The following KCNIP1 variants were observed in gnomAD, a reference collection of about 807,000 sequenced individuals.
The protein encoded by KCNIP1 is A-type potassium channel modulatory protein KCNIP1.
In KCNIP1, 18 loss-of-function variants were observed where a neutral mutation model predicts 33.0. The ratio of observed to expected loss-of-function variants is 0.55; its 90% CI spans 0.38 to 0.81. The LOEUF (loss-of-function observed/expected upper bound fraction) is 0.81, where lower values mean the gene tolerates loss of function less well. KCNIP1 is among the 30% of genes least tolerant of loss of function. KCNIP1 has a pLI of 0.00. For missense variants in KCNIP1, 238 were observed against 271.6 expected (o/e 0.88, Z 0.87); for synonymous variants, 93 against 98.3 (o/e 0.95, Z 0.32).
chr5:170,564,152 A>G (rs999964951), intron 1 of KCNIP1, among the ~76,000 whole-genome samples: 1 of 152,194 alleles, frequency 6.6e-6, no homozygotes, highest in Non-Finnish European at 1.5e-5. Flanking sequence ...TGGGCCTTCT[A>G]TTGATACATT....
intron 1 of KCNIP1, among the ~76,000 whole-genome samples, chr5:170,559,489 G>A (rs1009316658): frequency 1.3e-5 from 2 of 152,016 alleles, no homozygotes; most frequent in African/African-American, 4.8e-5. Flanking sequence ...TGTCCTCTAA[G>A]CACACTCCTA....
chr5:170,439,795 G>C (rs1313531114), intron 1 of KCNIP1, among the ~76,000 whole-genome samples: 3 of 152,240 alleles, frequency 2.0e-5, no homozygotes, highest in African/African-American at 7.2e-5. Flanking sequence ...CACCAGGTGG[G>C]CTCCTTTCTT....
At chr5:170,565,575 G>A (rs1008047447) in intron 1 of KCNIP1, among the ~76,000 whole-genome samples, 3 of 152,126 alleles carry the variant, frequency 2.0e-5, no homozygotes, top group Non-Finnish European at 2.9e-5. Flanking sequence ...CCTAACATTT[G>A]TTAAGTACCT....
At chr5:170,359,150 C>CA (rs1763433782) in intron 1 of KCNIP1, among the ~76,000 whole-genome samples, 1 of 152,188 alleles carries the variant, frequency 6.6e-6, no homozygotes, top group Non-Finnish European at 1.5e-5. Flanking sequence ...TATCACCTCT[C>CA]AGGCAGGTGT....
chr5:170,690,261 C>T (rs765352067), intron 1 of KCNIP1, among the ~76,000 whole-genome samples: 5 of 152,182 alleles, frequency 3.3e-5, no homozygotes, highest in Non-Finnish European at 7.4e-5. Flanking sequence ...AAAACTCCAC[C>T]TCCCACACAA....
chr5:170,716,137 C>A (rs1275235123), intron 1 of KCNIP1, among the ~76,000 whole-genome samples: 1 of 152,208 alleles, frequency 6.6e-6, no homozygotes, highest in Non-Finnish European at 1.5e-5. Context: ...CGTGGGCACT[C>A]CTGTGAGGTT....
chr5:170,519,227 C>T (rs1755266590), intron 1 of KCNIP1, among the ~76,000 whole-genome samples: 1 of 152,184 alleles, frequency 6.6e-6, no homozygotes, highest in Non-Finnish European at 1.5e-5. Flanking sequence ...TAATGATAGA[C>T]TAGAGACTTT....
At chr5:170,560,149 G>A (rs1289982025) in intron 1 of KCNIP1, among the ~76,000 whole-genome samples, 1 of 152,174 alleles carries the variant, frequency 6.6e-6, no homozygotes, top group Non-Finnish European at 1.5e-5. Flanking sequence ...TCTGGGCAGT[G>A]TGGGGCAGGA....
chr5:170,574,141 A>G (rs1757516311), intron 1 of KCNIP1, among the ~76,000 whole-genome samples: 1 of 152,264 alleles, frequency 6.6e-6, no homozygotes, highest in Admixed American at 6.5e-5. Context: ...TTGCAGCTAC[A>G]GAAAGCAGTA....
intron 1 of KCNIP1, among the ~76,000 whole-genome samples, chr5:170,711,800 T>C (rs1763454874): frequency 6.6e-6 from 1 of 152,208 alleles, no homozygotes; most frequent in South Asian, 2.1e-4. Context: ...TCCAGCAAAG[T>C]AAGTGTCTCA....
chr5:170,364,617 G>T (rs1032573207), intron 1 of KCNIP1, among the ~76,000 whole-genome samples: 1 of 151,866 alleles, frequency 6.6e-6, no homozygotes, highest in Non-Finnish European at 1.5e-5. Flanking sequence ...ATACCCCCAG[G>T]CTCTCTCCCT....
chr5:170,547,427 A>C (rs530732240), intron 1 of KCNIP1, among the ~76,000 whole-genome samples: 1 of 152,166 alleles, frequency 6.6e-6, no homozygotes, highest in African/African-American at 2.4e-5. Flanking sequence ...GGTTTGTTGC[A>C]TAGGTAAATA....
At chr5:170,558,873 G>A (rs370646858) in intron 1 of KCNIP1, among the ~76,000 whole-genome samples, 121 of 152,282 alleles carry the variant, frequency 7.9e-4, no homozygotes, top group African/African-American at 2.7e-3. Context: ...TGACATATGG[G>A]ACTATATCTT....
At chr5:170,653,825 C>A (rs1761153034) in intron 1 of KCNIP1, among the ~76,000 whole-genome samples, 1 of 152,040 alleles carries the variant, frequency 6.6e-6, no homozygotes, top group African/African-American at 2.4e-5. Flanking sequence ...TGACTTGATG[C>A]CCTTAGCTCC....
At chr5:170,691,293 G>T (rs769093229) in intron 1 of KCNIP1, among the ~76,000 whole-genome samples, 4 of 152,200 alleles carry the variant, frequency 2.6e-5, no homozygotes, top group Admixed American at 6.5e-5. Context: ...AGTTGAGGGG[G>T]TATTGTAAAA....
chr5:170,575,512 A>C (rs1336930319), intron 1 of KCNIP1, among the ~76,000 whole-genome samples: 3 of 152,216 alleles, frequency 2.0e-5, no homozygotes, highest in African/African-American at 4.8e-5. Context: ...TTAAATAAGA[A>C]TTCTAAGCTT....
At chr5:170,682,918 C>T (rs1381269149) in intron 1 of KCNIP1, among the ~76,000 whole-genome samples, 2 of 151,024 alleles carry the variant, frequency 1.3e-5, no homozygotes, top group East Asian at 2.0e-4. Context: ...CGTGAGCCAC[C>T]GCATCTGGCC....
rs1032969518 is a variant in KCNIP1 at position 170,701,302 on chromosome 5, C to A, written c.62-17456C>A. The stretch of plus-strand genomic sequence containing the variant: ...TTTAATTTTCAAAGACTCCTCTGAT[C>A]CAACTTAAGCTTTATGGTAAATCAC... On this transcript the variant is annotated intron_variant, in intron 1 of 7. Transcript: ENST00000328939. Among the ~76,000 whole-genome samples the A allele has an allele frequency of 2.0e-5, 3 of 152,144 alleles. No individual in the cohort carries two copies. The East Asian group carries it at 5.8e-4, about 29-fold the overall frequency.
At chr5:170,720,582 C>T (rs1055929884) in intron 3 of KCNIP1, among the ~76,000 whole-genome samples, 192 bp downstream of exon 3, 3 of 152,162 alleles carry the variant, frequency 2.0e-5, no homozygotes, top group African/African-American at 7.2e-5. Flanking sequence ...GAAAATGAAC[C>T]CACCCTGGAA....
Sources: gnomAD v4.1 joint callset for allele counts (sites outside exome capture counted in the v4.1 genomes callset) on GRCh38, gnomAD v4.1.1 for gene constraint, MANE v1.5 for transcripts, NCBI Gene and HGNC (gene_info 2026-07-23, HGNC 2026-07-21) for gene names.